The following CA11 variants were observed in gnomAD, a reference collection of about 807,000 sequenced individuals.
CA11 encodes the protein carbonic anhydrase-related protein 11.
In CA11, 20 loss-of-function variants were observed where a neutral mutation model predicts 39.3. The observed-to-expected ratio is 0.51, with a 90% CI of 0.36 to 0.74. The LOEUF (loss-of-function observed/expected upper bound fraction) is 0.74, where lower values mean the gene tolerates loss of function less well. Among genes scored for constraint, CA11 ranks in the 30% least tolerant of loss-of-function variants. The pLI is 0.00. For missense variants in CA11, 336 were observed against 424.6 expected (o/e 0.79, Z 1.83); for synonymous variants, 166 against 172.5 (o/e 0.96, Z 0.29).
chr19:48,640,004 G>T, intron 4 of CA11, 91 bp downstream of exon 4: 1 of 1,511,878 alleles, frequency 6.6e-7, no homozygotes. Flanking sequence ...TTCTGTGGAG[G>T]AGGATGGGGT....
Position 48,645,688 on chromosome 19 carries a change from C to A in CA11, c.-56G>T. On this transcript the variant is annotated 5_prime_UTR_variant, in exon 1 of 9. Coordinates refer to ENST00000084798, the MANE Select transcript of CA11 (RefSeq NM_001217.5). Reference sequence around the variant, plus strand: ...AACGCCCTGCCCCCCTCTCTCAGCTCCTCTGTCCCCTCCTTCTGGGACCCT... The same window carrying A: ...AACGCCCTGCCCCCCTCTCTCAGCTACTCTGTCCCCTCCTTCTGGGACCCT... 1 of 1,354,998 alleles carries A rather than the reference C, an allele frequency of 7.4e-7. No individual in the cohort carries two copies. Among genetic ancestry groups the A allele is most frequent in the Non-Finnish European group, 9.8e-7 (1 of 1,015,796 alleles). The allele number at this position is 1,354,998 out of a possible 1,614,324, so 83.9% of individuals were successfully genotyped here.
intron 3 of CA11, among the ~76,000 whole-genome samples, chr19:48,641,830 T>G: frequency 6.8e-6 from 1 of 147,376 alleles, no homozygotes; most frequent in East Asian, 1.9e-4. Context: ...TTTCTTTTTT[T>G]TTTTTTTTTT....
At position 48,637,968 on chromosome 19, in the gene CA11, T is replaced by C. The variant is rs2030891491; in HGVS notation, c.*151A>G. On this transcript the variant is annotated 3_prime_UTR_variant, in exon 9 of 9. Transcript: ENST00000084798. ...TGGTTTCCGGAAGAAGTCTGTTCTT[T>C]AATACCCAAATGTTTCCCCACCGCG... The C allele has an allele frequency of 2.1e-6, 1 of 479,078 alleles. No individual in the cohort carries two copies. The highest frequency in any genetic ancestry group is 3.7e-6 in the Non-Finnish European group (1 of 271,782). The allele number at this position is 479,078 out of a possible 1,614,324, so 29.7% of individuals were successfully genotyped here.
intron 3 of CA11, 107 bp from the exon 4 acceptor site, chr19:48,640,387 T>TG (rs1417354319): frequency 3.0e-6 from 3 of 994,400 alleles, no homozygotes; most frequent in Non-Finnish European, 4.4e-6. Flanking sequence ...TTTTTTTTTT[T>TG]TTTTGAAACG....
At chr19:48,639,277 A>C in intron 7 of CA11, 28 bp downstream of exon 7, 2 of 1,611,078 alleles carry the variant, frequency 1.2e-6, no homozygotes, top group Non-Finnish European at 1.7e-6. Flanking sequence ...ACCCAGGCCT[A>C]GGAAGGGCGG....
Position 48,644,577 on chromosome 19 carries a change from T to G in CA11, c.143-8A>C, listed in dbSNP as rs201359932. On this transcript the variant is annotated splice_region_variant and splice_polypyrimidine_tract_variant and intron_variant, in intron 2 of 8. Transcript: ENST00000084798. ...GGCCCCAGAAAGGAGGCCCTGGGGG[T>G]GGGGTCGGAGTAGGAGGACAAGGAG... 42 of 1,571,992 alleles carry G rather than the reference T, an allele frequency of 2.7e-5. No individual in the cohort carries two copies. Among genetic ancestry groups the G allele is most frequent in the Non-Finnish European group, 3.5e-5 (40 of 1,156,906 alleles).
chr19:48,638,815 ACT>A, intron 8 of CA11, 71 bp downstream of exon 8: 1 of 1,430,206 alleles, frequency 7.0e-7, no homozygotes, highest in African/African-American at 1.4e-5. Context: ...ACTGAATCAC[ACT>A]GAGACACCAA....
intron 5 of CA11, 49 bp from the exon 6 acceptor site, chr19:48,639,670 C>A (rs2031002694): frequency 1.2e-6 from 2 of 1,603,516 alleles, no homozygotes; most frequent in Non-Finnish European, 1.7e-6. Context: ...AGTCCAAGCC[C>A]TCAACCTTCT....
At chr19:48,645,246 C>T (rs1315837102) in intron 2 of CA11, among the ~76,000 whole-genome samples, 157 bp downstream of exon 2, 1 of 152,130 alleles carries the variant, frequency 6.6e-6, no homozygotes, top group Non-Finnish European at 1.5e-5. Flanking sequence ...ATGGTGAGCC[C>T]CTGGGGTTCA....
At chr19:48,644,702 T>A in intron 2 of CA11, 133 bp from the exon 3 acceptor site, 1 of 624,500 alleles carries the variant, frequency 1.6e-6, no homozygotes, top group South Asian at 3.7e-5. Flanking sequence ...CCTAGACTCC[T>A]GGGTCTGAGG....
Position 48,643,148 on chromosome 19 carries a change from C to A in CA11, c.285+1279G>T, listed in dbSNP as rs1179434354. ...TTCCTTTCCTTCCTTCCCTTCCTTC[C>A]TTCCTTCTCTCTTTCTCTCTTTCTT... On this transcript the variant is annotated intron_variant, in intron 3 of 8. Coordinates refer to ENST00000084798, the MANE Select transcript of CA11 (RefSeq NM_001217.5). This position sits in a 1 kb window ranked among gnomAD's most constrained non-coding sequence, Gnocchi z 4.3. 1.3e-5 allele frequency among the ~76,000 whole-genome samples: 2 copies of A among 151,658 alleles called. No homozygotes were observed. The highest frequency in any genetic ancestry group is 2.4e-5 in the African/African-American group (1 of 41,234).
In CA11 at chr19:48,643,322, G is replaced by T. The variant is rs965397520; in HGVS notation, c.285+1105C>A. Among the ~76,000 whole-genome samples the T allele has an allele frequency of 6.6e-6, 1 of 152,160 alleles. No homozygotes were observed. The highest frequency in any genetic ancestry group is 2.4e-5 in the African/African-American group (1 of 41,440). ...CCTCCCGGGTTCAAGCAATTCTCCT[G>T]CCTCAGCCTCTCAAGTAGCTGGGAT... On this transcript the variant is annotated intron_variant, in intron 3 of 8. Coordinates refer to ENST00000084798, the MANE Select transcript of CA11 (RefSeq NM_001217.5). This position sits in a 1 kb window ranked among gnomAD's most constrained non-coding sequence, Gnocchi z 4.3.
In CA11 at chr19:48,639,534, A is replaced by T. The variant is rs141672508; in HGVS notation, c.640+15T>A. 0.011 allele frequency: 18,529 copies of T among 1,613,808 alleles called. 141 individuals carry two copies. The highest frequency in any genetic ancestry group is 0.014 in the Non-Finnish European group (16,138 of 1,179,794). On this transcript the variant is annotated intron_variant, in intron 6 of 8. Coordinates refer to ENST00000084798, the MANE Select transcript of CA11 (RefSeq NM_001217.5). ...CTCGTGTGTGACCACTGCCCCCAGC[A>T]CGCCAGGGACTTACTCTTGTAGGAG...
Position 48,639,454 on chromosome 19 carries a change from C to T in CA11, c.646G>A (p.Ala216Thr), listed in dbSNP as rs192724985. The change falls in exon 7 of 9, where the codon GCC becomes ACC. Residue 216 changes from alanine (A) to threonine (T), a missense_variant. Transcript: ENST00000084798. ...TITRISYKND[A>T]YFLQDLSLEL... ...AGGCTCAGGTCTTGAAGAAAGTAGGCATCATCTGCGGGAATATCAGGCCAG... is the reference window on the plus strand; with the variant it reads ...AGGCTCAGGTCTTGAAGAAAGTAGGTATCATCTGCGGGAATATCAGGCCAG... 3.1e-6 allele frequency: 5 copies of T among 1,613,822 alleles called. No individual in the cohort carries two copies. The Admixed American group carries it at 5.0e-5, about 16-fold the overall frequency.
chr19:48,639,148 G>A, intron 7 of CA11, 95 bp from the exon 8 acceptor site: 7 of 1,554,220 alleles, frequency 4.5e-6, no homozygotes, highest in Non-Finnish European at 6.1e-6. Flanking sequence ...AGGTGGGCGG[G>A]GTCTGTTCTC....
chr19:48,641,823 C>CT (rs71179023), intron 3 of CA11, among the ~76,000 whole-genome samples: 12,706 of 92,286 alleles, frequency 0.14, 1,103 homozygotes, highest in African/African-American at 0.24. Flanking sequence ...TTTCAATTTT[C>CT]TTTTTTTTTT....
At chr19:48,639,735 C>G (rs2031005613) in intron 5 of CA11, 53 bp downstream of exon 5, 1 of 1,594,000 alleles carries the variant, frequency 6.3e-7, no homozygotes, top group African/African-American at 1.3e-5. Context: ...CCCTCAGACC[C>G]CGGGTTCCAG....
chr19:48,641,636 A>ATTTTAT (rs2031087197), intron 3 of CA11, among the ~76,000 whole-genome samples: 1 of 151,924 alleles, frequency 6.6e-6, no homozygotes, highest in African/African-American at 2.4e-5. Context: ...CAAAGGTGAC[A>ATTTTAT]TTTTATTTTT....
At chr19:48,639,686 C>T (rs2031003519) in intron 5 of CA11, 65 bp from the exon 6 acceptor site, 1 of 1,595,590 alleles carries the variant, frequency 6.3e-7, no homozygotes, top group East Asian at 2.2e-5. Flanking sequence ...CTTCTCCTCC[C>T]CCAGGACCCA....
Sources: gnomAD v4.1 joint callset for allele counts (sites outside exome capture counted in the v4.1 genomes callset) on GRCh38, gnomAD v4.1.1 for gene constraint, Gnocchi (gnomAD v3.1) non-coding constraint, MANE v1.5 for transcripts, NCBI Gene and HGNC (gene_info 2026-07-23, HGNC 2026-07-21) for gene names.